Variants in NECTIN2 observed in about 807,000 individuals in gnomAD.
NECTIN2 encodes nectin-2.
NECTIN2 carries 23 observed loss-of-function variants against 56.9 expected under a neutral mutation model. The ratio of observed to expected loss-of-function variants is 0.40; its 90% CI spans 0.29 to 0.57. The LOEUF is 0.57. NECTIN2 is among the 20% of genes least tolerant of loss of function. NECTIN2 has a pLI of 0.38. For missense variants in NECTIN2, 587 were observed against 718.3 expected, an observed-to-expected ratio of 0.82 and a Z score of 2.09; for synonymous variants, 302 against 313.8, an observed-to-expected ratio of 0.96 and a Z score of 0.40.
chr19:44,878,226 C>A (rs768516701), intron 5 of NECTIN2: 38 of 684,756 alleles, frequency 5.5e-5, no homozygotes, highest in Non-Finnish European at 9.2e-5. Context: ...TCCTCAGAAA[C>A]CCCCAGGGCC....
In NECTIN2 at chr19:44,865,670, G is replaced by T; in HGVS notation, c.478+10G>T. 1.3e-6 allele frequency: 2 copies of T among 1,508,062 alleles called. No individual in the cohort carries two copies. The highest frequency in any genetic ancestry group is 1.8e-6 in the Non-Finnish European group (2 of 1,127,888). 93.4% of individuals were successfully genotyped at this position (1,508,062 alleles called of 1,614,324 possible). A position where few individuals can be genotyped will look rare whatever the true frequency, so the allele number is the denominator to read the frequency against. ...TGGCTCAGAGTCATAGGTGAGCAGGGTAAGGGCGGGAGGCAAGGAGGTGGG... is the reference window on the plus strand; with the variant it reads ...TGGCTCAGAGTCATAGGTGAGCAGGTTAAGGGCGGGAGGCAAGGAGGTGGG... On this transcript the variant is annotated intron_variant, in intron 2 of 8. Transcript: ENST00000252483. The surrounding 1 kb of genome is among the most constrained non-coding windows in gnomAD (Gnocchi z 5.2).
chr19:44,876,794 G>A (rs1969244331), intron 5 of NECTIN2, among the ~76,000 whole-genome samples: 1 of 152,160 alleles, frequency 6.6e-6, no homozygotes, highest in African/African-American at 2.4e-5. Context: ...TGGCCAGGCT[G>A]GTCTTGAACT....
At position 44,865,461 on chromosome 19, in the gene NECTIN2, C is replaced by G. The variant is rs1568591888; in HGVS notation, c.279C>G (p.Phe93Leu). Reference protein sequence around the residue: ...AAFHPKMGPSFPSPKPGSERL... With the variant: ...AAFHPKMGPSLPSPKPGSERL... ...TCCACCCTAAGATGGGTCCCAGCTT[C>G]CCCAGCCCGAAGCCTGGCAGCGAGC... The change falls in exon 2 of 9, where the codon TTC becomes TTG. Residue 93 changes from phenylalanine (F) to leucine (L), a missense_variant. Transcript: ENST00000252483. The surrounding 1 kb of genome is among the most constrained non-coding windows in gnomAD (Gnocchi z 5.2). 1.9e-6 allele frequency: 3 copies of G among 1,613,932 alleles called. No individual in the cohort carries two copies. Among genetic ancestry groups the G allele is most frequent in the Admixed American group, 1.7e-5 (1 of 59,990 alleles).
rs773174479 is a variant in NECTIN2 at position 44,885,974 on chromosome 19, A to G, written c.1234A>G (p.Lys412Glu). The G allele has an allele frequency of 5.6e-6, 9 of 1,604,226 alleles. No homozygotes were observed. The highest frequency in any genetic ancestry group is 1.6e-4 in the Middle Eastern group (1 of 6,074). The change falls in exon 7 of 9, where the codon AAA (lysine) becomes GAA (glutamate). Residue 412 changes from lysine to glutamate, a missense_variant. Lys to Glu is a moderately conservative substitution (Grantham distance 56). Transcript: ENST00000252483. ...TCCCTCCTACAAGCCACCGACCCCA[A>G]AAGCGAAGCTGGAGGCACAGGAGAT... is the stretch of plus-strand genomic sequence containing the variant. Reference protein sequence around the residue: ...GPPSYKPPTPKAKLEAQEMPS... With the variant: ...GPPSYKPPTPEAKLEAQEMPS...
intron 1 of NECTIN2, among the ~76,000 whole-genome samples, chr19:44,857,020 AG>A (rs774957658): frequency 7.9e-5 from 12 of 152,168 alleles, no homozygotes; most frequent in Non-Finnish European, 1.8e-4. Context: ...GGGACCCTGG[AG>A]GGTGGCTGAA....
At chr19:44,878,048 CCTCCTCCT>C (rs143981846) in intron 5 of NECTIN2, among the ~76,000 whole-genome samples, 6,764 of 150,784 alleles carry the variant, frequency 0.045, 117 homozygotes, top group South Asian at 0.086. Flanking sequence ...TCCCCACCCC[CCTCCTCCT>C]CCTCCTCCAT....
At chr19:44,878,318 T>C in intron 5 of NECTIN2, 1 of 1,517,060 alleles carries the variant, frequency 6.6e-7, no homozygotes, top group Non-Finnish European at 9.0e-7. Context: ...TGGGGGGTCC[T>C]TGGCCTTCAT....
intron 1 of NECTIN2, among the ~76,000 whole-genome samples, chr19:44,855,948 G>A (rs1968960732): frequency 6.6e-6 from 1 of 152,086 alleles, no homozygotes; most frequent in Non-Finnish European, 1.5e-5. Context: ...ATTCTTCCAG[G>A]TTCTGCCTTT....
chr19:44,880,346 A>G (rs1468893195), intron 5 of NECTIN2, among the ~76,000 whole-genome samples: 1 of 152,120 alleles, frequency 6.6e-6, no homozygotes, highest in African/African-American at 2.4e-5. Flanking sequence ...TGGCAAGTAA[A>G]CGGGTAACCA....
intron 1 of NECTIN2, among the ~76,000 whole-genome samples, chr19:44,857,699 G>GTT (rs1279237920): frequency 3.5e-4 from 44 of 125,300 alleles, no homozygotes; most frequent in Non-Finnish European, 4.7e-4. Flanking sequence ...ATCGTGCCGG[G>GTT]TTTTTGTTTT....
intron 6 of NECTIN2, among the ~76,000 whole-genome samples, chr19:44,882,834 T>C (rs1320934382): frequency 6.9e-6 from 1 of 145,656 alleles, no homozygotes; most frequent in Non-Finnish European, 1.5e-5. Context: ...GAGGCTGGAA[T>C]ACAGTGATGC....
chr19:44,859,001 C>G (rs921507074), intron 1 of NECTIN2, among the ~76,000 whole-genome samples: 1 of 152,154 alleles, frequency 6.6e-6, no homozygotes, highest in East Asian at 1.9e-4. Context: ...ATTTCTTACC[C>G]AAAGATCCTC....
intron 3 of NECTIN2, 128 bp downstream of exon 3, chr19:44,872,277 C>T: frequency 2.1e-6 from 2 of 948,390 alleles, no homozygotes; most frequent in East Asian, 5.2e-5. Flanking sequence ...CACTACCTTC[C>T]TGCCATTGTC....
chr19:44,881,063 C>T (rs547221524), intron 5 of NECTIN2, among the ~76,000 whole-genome samples: 22 of 141,824 alleles, frequency 1.6e-4, no homozygotes, highest in African/African-American at 4.6e-4. Flanking sequence ...CGTGAGCCAA[C>T]GCGCCCGGCT....
intron 1 of NECTIN2, among the ~76,000 whole-genome samples, chr19:44,855,833 A>G (rs1968959343): frequency 6.6e-6 from 1 of 152,166 alleles, no homozygotes; most frequent in Non-Finnish European, 1.5e-5. Flanking sequence ...AAACACAGAC[A>G]AACCTCAGGG....
rs950128923 is a variant in NECTIN2 at position 44,865,168 on chromosome 19, G to A, written c.89-103G>A. On this transcript the variant is annotated intron_variant, in intron 1 of 8. Transcript: ENST00000252483. This position sits in a 1 kb window ranked among gnomAD's most constrained non-coding sequence, Gnocchi z 5.2. Reference sequence around the variant, plus strand: ...CTGCGAAGCTGCCTACGTTGCATGCGGAGCCTGCATTTCCCGTGGGGCCCC... The same window carrying A: ...CTGCGAAGCTGCCTACGTTGCATGCAGAGCCTGCATTTCCCGTGGGGCCCC... 7 of 1,274,752 alleles carry A rather than the reference G, an allele frequency of 5.5e-6. No homozygotes were observed. The highest frequency in any genetic ancestry group is 2.3e-5 in the Admixed American group (1 of 42,816). The allele number at this position is 1,274,752 out of a possible 1,614,324, so 79.0% of individuals were successfully genotyped here. A position where few individuals can be genotyped will look rare whatever the true frequency, so the allele number is the denominator to read the frequency against.
At chr19:44,856,490 G>A (rs949791965) in intron 1 of NECTIN2, among the ~76,000 whole-genome samples, 2 of 152,122 alleles carry the variant, frequency 1.3e-5, no homozygotes, top group Non-Finnish European at 2.9e-5. Flanking sequence ...ACCCGCAACG[G>A]CTCCCACTTG....
chr19:44,886,425 TAA>T (rs1339908171), intron 8 of NECTIN2, among the ~76,000 whole-genome samples: 5 of 151,954 alleles, frequency 3.3e-5, no homozygotes, highest in African/African-American at 7.2e-5. Flanking sequence ...GGTTAGAATT[TAA>T]AGTCACTTGG....
Position 44,883,423 on chromosome 19 carries a change from C to G in NECTIN2, c.1196+1059C>G, listed in dbSNP as rs531043165. Among the ~76,000 whole-genome samples, 4 of 152,246 alleles carry G rather than the reference C, an allele frequency of 2.6e-5. No individual in the cohort carries two copies. The East Asian group carries it at 5.8e-4, about 22-fold the overall frequency. On this transcript the variant is annotated intron_variant, in intron 6 of 8. Transcript: ENST00000252483. ...TCGAGTAGCTGGGATTACAGATGCG[C>G]GCCACCACGCCCGGCTAATTTTTGT...
Sources: gnomAD v4.1 joint callset for allele counts (sites outside exome capture counted in the v4.1 genomes callset) on GRCh38, gnomAD v4.1.1 for gene constraint, Gnocchi (gnomAD v3.1) non-coding constraint, MANE v1.5 for transcripts, NCBI Gene and HGNC (gene_info 2026-07-23, HGNC 2026-07-21) for gene names.